Variants in MYO3B observed in about 807,000 individuals in gnomAD.
MYO3B encodes myosin-IIIb.
MYO3B carries 156 observed loss-of-function variants against 174.6 expected under a neutral mutation model. That is an observed-to-expected ratio of 0.89 (90% CI 0.78 to 1.02). MYO3B has a LOEUF of 1.02. Ranked by LOEUF, MYO3B falls within the 50% of genes least tolerant of loss-of-function variation. The pLI, the probability that MYO3B is intolerant of heterozygous loss-of-function variation, is 0.00. For synonymous variants in MYO3B, 563 were observed against 569.1 expected, an observed-to-expected ratio of 0.99 and a Z score of 0.15; for missense variants, 1,632 against 1,639.4, an observed-to-expected ratio of 1.00 and a Z score of 0.08.
intron 32 of MYO3B, among the ~76,000 whole-genome samples, chr2:170,547,896 A>G (rs562017246): frequency 6.6e-6 from 1 of 152,178 alleles, no homozygotes; most frequent in African/African-American, 2.4e-5. Flanking sequence ...GCCCAGGCGT[A>G]GAGGGTGAGT....
At chr2:170,184,056 T>C (rs2092435296) in intron 1 of MYO3B, among the ~76,000 whole-genome samples, 1 of 152,126 alleles carries the variant, frequency 6.6e-6, no homozygotes, top group Non-Finnish European at 1.5e-5. Context: ...TTGTTTATTT[T>C]TAATTTTTAG....
At chr2:170,650,575 G>T (rs1236039288) in intron 32 of MYO3B, among the ~76,000 whole-genome samples, 2 of 151,152 alleles carry the variant, frequency 1.3e-5, no homozygotes, top group African/African-American at 4.9e-5. Context: ...TGTGTGTGTT[G>T]CCAAGAAATT....
intron 7 of MYO3B, among the ~76,000 whole-genome samples, chr2:170,292,629 C>T (rs2093603275): frequency 6.6e-6 from 1 of 152,046 alleles, no homozygotes; most frequent in African/African-American, 2.4e-5. Context: ...TACCTTAAGC[C>T]CAGGTCCGCG....
At chr2:170,544,782 A>G (rs544140709) in intron 32 of MYO3B, among the ~76,000 whole-genome samples, 1 of 152,354 alleles carries the variant, frequency 6.6e-6, no homozygotes, top group Admixed American at 6.5e-5. Context: ...GAGAGAGACA[A>G]GAGGATGGGT....
chr2:170,399,137 G>C (rs2094458226), intron 16 of MYO3B, among the ~76,000 whole-genome samples: 1 of 151,470 alleles, frequency 6.6e-6, no homozygotes, highest in Non-Finnish European at 1.5e-5. Flanking sequence ...AGCTAATCGG[G>C]AGGCTGAGGC....
intron 25 of MYO3B, among the ~76,000 whole-genome samples, chr2:170,481,654 G>A (rs758501508): frequency 2.0e-5 from 3 of 152,158 alleles, no homozygotes; most frequent in Admixed American, 1.3e-4. Context: ...AACCTGTTAA[G>A]ACATAATTAG....
intron 22 of MYO3B, among the ~76,000 whole-genome samples, chr2:170,421,576 A>T (rs1341210382): frequency 6.6e-6 from 1 of 152,114 alleles, no homozygotes; most frequent in Non-Finnish European, 1.5e-5. Context: ...GTCCCACCTT[A>T]CTGCCACAGC....
At chr2:170,295,195 A>T (rs2093621564) in intron 7 of MYO3B, among the ~76,000 whole-genome samples, 2 of 151,712 alleles carry the variant, frequency 1.3e-5, no homozygotes, top group Admixed American at 1.3e-4. Flanking sequence ...TGTAAATGAC[A>T]TGTATTTGGA....
intron 5 of MYO3B, among the ~76,000 whole-genome samples, chr2:170,215,821 G>T (rs1326369372): frequency 6.6e-6 from 1 of 152,156 alleles, no homozygotes; most frequent in Non-Finnish European, 1.5e-5. Flanking sequence ...TTTTGCACGT[G>T]ATTCTGGGGA....
At chr2:170,239,006 G>C (rs987613444) in intron 7 of MYO3B, among the ~76,000 whole-genome samples, 1 of 152,214 alleles carries the variant, frequency 6.6e-6, no homozygotes, top group Admixed American at 6.5e-5. Context: ...GATTGGCAGA[G>C]CATCCACTAT....
At chr2:170,408,443 G>C (rs893606069) in intron 22 of MYO3B, 1 of 152,294 alleles carries the variant, frequency 6.6e-6, no homozygotes, top group Non-Finnish European at 1.5e-5. Context: ...TAGGGCCAAA[G>C]AACAGAACTT....
chr2:170,280,668 G>A (rs1486441550), intron 7 of MYO3B, among the ~76,000 whole-genome samples: 1 of 132,806 alleles, frequency 7.5e-6, no homozygotes, highest in Non-Finnish European at 1.6e-5. Flanking sequence ...TGTAAGGAAG[G>A]GGTCCAGCTT....
At chr2:170,463,627 A>G (rs2105960303) in intron 24 of MYO3B, among the ~76,000 whole-genome samples, 182 bp downstream of exon 24, 2 of 152,326 alleles carry the variant, frequency 1.3e-5, no homozygotes, top group South Asian at 4.1e-4. Context: ...CCTGCCCATT[A>G]AGTGACTGAT....
At chr2:170,490,279 C>T (rs186514284) in intron 25 of MYO3B, among the ~76,000 whole-genome samples, 2 of 152,226 alleles carry the variant, frequency 1.3e-5, no homozygotes, top group Admixed American at 6.5e-5. Context: ...CCGCCCTCCT[C>T]GGCCTCCCAA....
At chr2:170,422,040 G>C (rs1342568590) in intron 22 of MYO3B, among the ~76,000 whole-genome samples, 1 of 152,188 alleles carries the variant, frequency 6.6e-6, no homozygotes, top group East Asian at 1.9e-4. Context: ...CTGGTACTTT[G>C]CATCTGGCAG....
chr2:170,644,363 T>G (rs574680452), intron 32 of MYO3B: 2 of 152,268 alleles, frequency 1.3e-5, no homozygotes, highest in East Asian at 3.9e-4. Context: ...CTCAGCTTAC[T>G]GCAACCTTCA....
At chr2:170,623,395 A>C (rs980336624) in intron 32 of MYO3B, among the ~76,000 whole-genome samples, 15 of 152,086 alleles carry the variant, frequency 9.9e-5, no homozygotes, top group Middle Eastern at 3.4e-3. Flanking sequence ...CTGTTCATAT[A>C]CTTTGCACAT....
intron 30 of MYO3B, chr2:170,519,837 G>A (rs1688555277): frequency 7.3e-6 from 2 of 275,474 alleles, no homozygotes; most frequent in Non-Finnish European, 1.4e-5. Flanking sequence ...GCTGGCCATG[G>A]TGGCATGTGC....
intron 32 of MYO3B, among the ~76,000 whole-genome samples, chr2:170,574,660 G>GT (rs771267912): frequency 2.9e-4 from 44 of 152,254 alleles, no homozygotes; most frequent in Middle Eastern, 3.4e-3. Context: ...ATGGTGAGTT[G>GT]TTTTTCCCCC....
Sources: allele counts gnomAD v4.1 joint callset (sites outside exome capture counted in the v4.1 genomes callset), GRCh38; gene constraint gnomAD v4.1.1; transcripts MANE v1.5; gene names NCBI Gene and HGNC (gene_info 2026-07-23, HGNC 2026-07-21).